EI24: variants seen among roughly 807,000 people sequenced by gnomAD.
The protein encoded by EI24 is etoposide-induced protein 2.4 homolog.
In EI24, 21 loss-of-function variants were observed where a neutral mutation model predicts 48.6. That is an observed-to-expected ratio of 0.43 (90% CI 0.31 to 0.62). The LOEUF is 0.62. Ranked by LOEUF, EI24 falls within the 20% of genes least tolerant of loss-of-function variation. The pLI, the probability that EI24 is intolerant of heterozygous loss-of-function variation, is 0.10. For synonymous variants in EI24, 114 were observed against 145.5 expected (o/e 0.78, Z 1.56); for missense variants, 280 against 410.5 (o/e 0.68, Z 2.75).
In EI24 at chr11:125,577,274, T is replaced by G. The variant is rs191382243; in HGVS notation, c.250-230T>G. On this transcript the variant is annotated intron_variant, in intron 4 of 10. Coordinates refer to ENST00000278903, the MANE Select transcript of EI24 (RefSeq NM_004879.5). ...ACCCGACCAATTGTTGTATTTTTAG[T>G]AGAGACGGGGTTTCACCATCTTGGC... is the stretch of plus-strand genomic sequence containing the variant. Among the ~76,000 whole-genome samples, 58 of 152,304 alleles carry G rather than the reference T, an allele frequency of 3.8e-4. 1 individual carries two copies. The East Asian group carries it at 0.011, about 28-fold the overall frequency.
chr11:125,578,127 T>G lies in EI24; in HGVS notation c.317-6T>G. ...CATTTCTAGTAACTCGTTTCCTCTT[T>G]CTTAGGTGACCCATCACTACATGGA... On this transcript the variant is annotated splice_polypyrimidine_tract_variant and splice_region_variant and intron_variant, in intron 5 of 10. Coordinates refer to ENST00000278903, the MANE Select transcript of EI24 (RefSeq NM_004879.5). 1 of 1,612,972 alleles carries G rather than the reference T, an allele frequency of 6.2e-7. No homozygotes were observed. The highest frequency in any genetic ancestry group is 8.5e-7 in the Non-Finnish European group (1 of 1,179,890).
In EI24 at chr11:125,572,539, T is replaced by C. The variant is rs1938570306; in HGVS notation, c.12T>C (p.Ser4=). The change falls in exon 2 of 11, where the codon AGT becomes AGC. Residue 4 remains serine (S), a synonymous_variant. Coordinates refer to ENST00000278903, the MANE Select transcript of EI24 (RefSeq NM_004879.5). MAD[S]VKTFLQDLAR... The stretch of plus-strand genomic sequence containing the variant: ...TTGGTGGTGAAGAGATGGCTGACAG[T>C]GTCAAAACCTTTCTCCAGGACCTTG... 1 of 1,613,766 alleles carries C rather than the reference T, an allele frequency of 6.2e-7. No individual in the cohort carries two copies. The highest frequency in any genetic ancestry group is 1.3e-5 in the African/African-American group (1 of 74,902).
intron 10 of EI24, among the ~76,000 whole-genome samples, chr11:125,583,104 ATTC>A (rs1442851148): frequency 2.0e-5 from 3 of 151,902 alleles, no homozygotes; most frequent in Admixed American, 6.6e-5. Context: ...GGCCCAATGC[ATTC>A]TTTTTTTTTT....
intron 7 of EI24, among the ~76,000 whole-genome samples, 154 bp downstream of exon 7, chr11:125,579,222 G>A (rs1006297403): frequency 1.1e-4 from 16 of 151,880 alleles, no homozygotes; most frequent in African/African-American, 2.2e-4. Flanking sequence ...TTTTCCCCAC[G>A]GAAATGAGAA....
intron 4 of EI24, 136 bp downstream of exon 4, chr11:125,576,451 A>C (rs1169740263): frequency 1.2e-6 from 1 of 807,286 alleles, no homozygotes; most frequent in East Asian, 2.7e-5. Flanking sequence ...ATAACTCAGG[A>C]GTCTGTGCAT....
chr11:125,583,024 T>C (rs1939078105), intron 10 of EI24, among the ~76,000 whole-genome samples: 1 of 152,212 alleles, frequency 6.6e-6, no homozygotes, highest in East Asian at 1.9e-4. Flanking sequence ...TAATCTAAAA[T>C]ATAACTATTT....
chr11:125,582,951 C>G (rs1939073586), intron 10 of EI24, among the ~76,000 whole-genome samples: 1 of 152,222 alleles, frequency 6.6e-6, no homozygotes. Context: ...ATGATACCTT[C>G]AGACATAGCT....
chr11:125,583,744 T>C lies in EI24; in HGVS notation c.*61T>C. ...AAGAAGCTGTGGCAGCTCTTTTCCC[T>C]GTTCACCTCCCGCCTGCCAGGGAAG... On this transcript the variant is annotated 3_prime_UTR_variant, in exon 11 of 11. Transcript: ENST00000278903. 7 of 1,574,900 alleles carry C rather than the reference T, an allele frequency of 4.4e-6. No homozygotes were observed. The highest frequency in any genetic ancestry group is 6.0e-6 in the Non-Finnish European group (7 of 1,160,016).
Position 125,576,305 on chromosome 11 carries a change from G to C in EI24, c.239G>C (p.Gly80Ala). The part of the protein sequence containing the change: ...RIFQCCAWNG[G>A]VFWFSLLLFY... ...TTCCAGTGTTGTGCTTGGAATGGTG[G>C]AGTGTTCTGGGTAAGTTCTTTAAAT... Residue 80 changes from glycine to alanine, a missense_variant, in exon 4 of 11, where the codon GGA (glycine) becomes GCA (alanine). Gly to Ala is a moderately conservative substitution (Grantham distance 60). Coordinates refer to ENST00000278903, the MANE Select transcript of EI24 (RefSeq NM_004879.5). The C allele has an allele frequency of 6.2e-7, 1 of 1,613,858 alleles. No homozygotes were observed. Among genetic ancestry groups the C allele is most frequent in the South Asian group, 1.1e-5 (1 of 91,036 alleles).
At chr11:125,578,473 G>A (rs934467396) in intron 6 of EI24, among the ~76,000 whole-genome samples, 7 of 128,654 alleles carry the variant, frequency 5.4e-5, no homozygotes, top group South Asian at 2.4e-4. Context: ...TTTCTTTTTC[G>A]TTTTGGCTTT....
chr11:125,583,453 AGTT>A (rs1939096717), intron 10 of EI24, 65 bp from the exon 11 acceptor site: 1 of 1,314,536 alleles, frequency 7.6e-7, no homozygotes, highest in South Asian at 1.5e-5. Context: ...TTTAATGTCA[AGTT>A]GTCAAACAAC....
Position 125,569,488 on chromosome 11 carries a change from A to C in EI24, c.-156A>C, listed in dbSNP as rs551704338. ...GCCCGGGCATGCCCAGTGCGGGCGCAGCGGCCCCGGCCCTGGAAGCGCCCC... is the reference window on the plus strand; with the variant it reads ...GCCCGGGCATGCCCAGTGCGGGCGCCGCGGCCCCGGCCCTGGAAGCGCCCC... On this transcript the variant is annotated 5_prime_UTR_variant, in exon 1 of 11. Coordinates refer to ENST00000278903, the MANE Select transcript of EI24 (RefSeq NM_004879.5). 2 of 383,682 alleles carry C rather than the reference A, an allele frequency of 5.2e-6. No individual in the cohort carries two copies. The highest frequency in any genetic ancestry group is 1.3e-4 in the South Asian group (1 of 7,650). The allele number at this position is 383,682 out of a possible 1,614,324, so 23.8% of individuals were successfully genotyped here.
chr11:125,572,466 T>G lies in EI24; in HGVS notation c.-62T>G. On this transcript the variant is annotated 5_prime_UTR_variant, in exon 2 of 11. The change abolishes an upstream ATG in the 5' untranslated region. Coordinates refer to ENST00000278903, the MANE Select transcript of EI24 (RefSeq NM_004879.5). ...GTTCCATCTGTTTCCAGATCCTTCA[T>G]GATGAGAGATTTGGGGACACTTCTC... 1 of 1,489,082 alleles carries G rather than the reference T, an allele frequency of 6.7e-7. No individual in the cohort carries two copies. The highest frequency in any genetic ancestry group is 9.4e-7 in the Non-Finnish European group (1 of 1,069,232). The allele number at this position is 1,489,082 out of a possible 1,614,324, so 92.2% of individuals were successfully genotyped here. A position where few individuals can be genotyped will look rare whatever the true frequency, so the allele number is the denominator to read the frequency against.
intron 6 of EI24, 53 bp downstream of exon 6, chr11:125,578,310 G>T: frequency 6.2e-7 from 1 of 1,610,702 alleles, no homozygotes; most frequent in East Asian, 2.2e-5. Context: ...TGGCTGACAG[G>T]TGACAAGTTT....
chr11:125,569,794 C>T lies in EI24; in HGVS notation c.-71+221C>T, dbSNP rs1591350341. On this transcript the variant is annotated intron_variant, in intron 1 of 10. Transcript: ENST00000278903. The stretch of plus-strand genomic sequence containing the variant: ...GCTATCTTTAGCTCCCTGTGTGACC[C>T]GGAGCGTGCGTGATCCGCACCTCGC... The T allele has an allele frequency of 1.5e-5, 4 of 274,734 alleles. No individual in the cohort carries two copies. In the East Asian group the frequency reaches 1.8e-4, roughly 13 times the overall value. 17.0% of individuals were successfully genotyped at this position (274,734 alleles called of 1,614,324 possible).
rs770554483 is a variant in EI24 at position 125,578,990 on chromosome 11, T to C, written c.483T>C (p.Pro161=). The change falls in exon 7 of 11, where the codon CCT becomes CCC. Residue 161 remains proline, a synonymous_variant. Transcript: ENST00000278903. ...CATTTGAGGTATCAGGGAGGAAGCC[T>C]CACCCATTCCCTAGTGTCAGCAAAA... The part of the protein sequence containing the change: ...DLAFEVSGRK[P]HPFPSVSKII... 2.5e-6 allele frequency: 4 copies of C among 1,592,384 alleles called. No individual in the cohort carries two copies. Among genetic ancestry groups the C allele is most frequent in the Non-Finnish European group, 3.4e-6 (4 of 1,168,420 alleles).
Position 125,583,514 on chromosome 11 carries a change from C to T in EI24, c.861-7C>T. 6.4e-7 allele frequency: 1 copy of T among 1,561,926 alleles called. No individual in the cohort carries two copies. Among genetic ancestry groups the T allele is most frequent in the Admixed American group, 1.9e-5 (1 of 52,402 alleles). On this transcript the variant is annotated splice_region_variant and splice_polypyrimidine_tract_variant and intron_variant, in intron 10 of 10. Transcript: ENST00000278903. ...GGAGCTAACAAGTTGGGTTTCTTGCCTTTTAGTCTCTTCCAGTTGCGCCTC... is the reference window on the plus strand; with the variant it reads ...GGAGCTAACAAGTTGGGTTTCTTGCTTTTTAGTCTCTTCCAGTTGCGCCTC...
rs753175859 is a variant in EI24, at chr11:125,580,147, C to A, written c.616C>A (p.Leu206Met). Reference sequence around the variant, plus strand: ...TCTTGTCGGTCAGCTGGTTAGTCTCCTGCATATGTCCCTTCTCTACTCACT... The same window carrying A: ...TCTTGTCGGTCAGCTGGTTAGTCTCATGCATATGTCCCTTCTCTACTCACT... ...IHLVGQLVSL[L>M]HMSLLYSLYC... The change falls in exon 8 of 11, where the codon CTG (leucine) becomes ATG (methionine). Residue 206 changes from leucine to methionine, a missense_variant. By Grantham distance (15) the Leu-to-Met change is conservative. This residue lies in a region of EI24 where 204 missense variants were observed against 294.1 expected (regional missense o/e 0.69). Coordinates refer to ENST00000278903, the MANE Select transcript of EI24 (RefSeq NM_004879.5). The A allele has an allele frequency of 6.2e-7, 1 of 1,613,810 alleles. No individual in the cohort carries two copies. The highest frequency in any genetic ancestry group is 8.5e-7 in the Non-Finnish European group (1 of 1,179,820).
intron 1 of EI24, 104 bp from the exon 2 acceptor site, chr11:125,572,354 C>A: frequency 1.6e-6 from 1 of 632,104 alleles, no homozygotes; most frequent in Non-Finnish European, 2.8e-6. Flanking sequence ...CTACTGCTAT[C>A]TTACTAGAGC....
Sources: gnomAD v4.1 joint callset for allele counts (sites outside exome capture counted in the v4.1 genomes callset) on GRCh38, gnomAD v4.1.1 for gene constraint, gnomAD v4.1.1 regional missense constraint, MANE v1.5 for transcripts, NCBI Gene and HGNC (gene_info 2026-07-23, HGNC 2026-07-21) for gene names.